Variants in IL12B observed in about 807,000 individuals in gnomAD.
IL12B encodes interleukin-12 subunit beta.
A neutral mutation model predicts 39.2 loss-of-function variants in IL12B; 27 were observed. The observed-to-expected ratio is 0.69, with a 90% CI of 0.51 to 0.95. The LOEUF is 0.95. IL12B is among the 40% of genes least tolerant of loss of function. The pLI is 0.00. For missense variants in IL12B, 351 were observed against 397.6 expected (o/e 0.88, Z 1.00); for synonymous variants, 142 against 152.1 (o/e 0.93, Z 0.49).
chr5:159,319,830 T>C (rs778111516), intron 5 of IL12B, among the ~76,000 whole-genome samples: 6 of 152,164 alleles, frequency 3.9e-5, no homozygotes, highest in Non-Finnish European at 8.8e-5. Context: ...TGACTTATGG[T>C]GAAATCCCTA....
chr5:159,318,916 T>C, intron 5 of IL12B, 23 bp from the exon 6 acceptor site: 1 of 1,605,372 alleles, frequency 6.2e-7, no homozygotes, highest in Non-Finnish European at 8.5e-7. Flanking sequence ...ATAAACATGC[T>C]TTATTTTCCT....
At chr5:159,325,726 C>G (rs367740047) in intron 2 of IL12B, 2 of 152,230 alleles carry the variant, frequency 1.3e-5, no homozygotes, top group African/African-American at 4.8e-5. Flanking sequence ...GGGATACAGA[C>G]AGTCTCTACT....
At chr5:159,329,936 A>G (rs765145379) in intron 1 of IL12B, among the ~76,000 whole-genome samples, 1 of 152,180 alleles carries the variant, frequency 6.6e-6, no homozygotes, top group Non-Finnish European at 1.5e-5. Flanking sequence ...ATTTTGGTTG[A>G]TATCACAACT....
At chr5:159,323,628 C>T (rs951659587) in intron 2 of IL12B, among the ~76,000 whole-genome samples, 1 of 152,112 alleles carries the variant, frequency 6.6e-6, no homozygotes, top group Non-Finnish European at 1.5e-5. Flanking sequence ...AAACTGCAAA[C>T]AGCACAAGAC....
intron 4 of IL12B, among the ~76,000 whole-genome samples, chr5:159,321,619 G>T (rs2113027843): frequency 6.6e-6 from 1 of 152,208 alleles, no homozygotes; most frequent in African/African-American, 2.4e-5. Flanking sequence ...CATTAAGCAA[G>T]AGTATAGTGT....
chr5:159,318,684 G>T (rs1271555739), intron 6 of IL12B, 52 bp downstream of exon 6: 19 of 1,495,980 alleles, frequency 1.3e-5, no homozygotes, highest in Non-Finnish European at 1.7e-5. Flanking sequence ...ACTTTATGGT[G>T]GGCCTCCGTA....
At position 159,328,462 on chromosome 5, in the gene IL12B, CA is replaced by C. The variant is rs1187155959; in HGVS notation, c.1-1681del. On this transcript the variant is annotated intron_variant, in intron 1 of 7. Coordinates refer to ENST00000231228, the MANE Select transcript of IL12B (RefSeq NM_002187.3). Reference sequence around the variant, plus strand: ...TATAAAATGGACCTAATACTTATCTCAAAGGCTTGTTGGGAAAGGCAATGAG... The same window carrying C: ...TATAAAATGGACCTAATACTTATCTCAAGGCTTGTTGGGAAAGGCAATGAG... Among the ~76,000 whole-genome samples the C allele has an allele frequency of 2.0e-5, 3 of 152,262 alleles. No homozygotes were observed. In the East Asian group the frequency reaches 5.8e-4, roughly 29 times the overall value.
intron 1 of IL12B, 86 bp downstream of exon 1, chr5:159,330,346 T>A (rs1023130884): frequency 2.6e-5 from 4 of 152,140 alleles, no homozygotes; most frequent in Non-Finnish European, 5.9e-5. Flanking sequence ...TGCCAGCTGC[T>A]GGGGTAGCAC....
chr5:159,326,002 G>A (rs1754182831), intron 2 of IL12B, among the ~76,000 whole-genome samples: 1 of 152,164 alleles, frequency 6.6e-6, no homozygotes, highest in Admixed American at 6.5e-5. Context: ...ATAATAAAAA[G>A]TATCTCTTGA....
intron 1 of IL12B, among the ~76,000 whole-genome samples, chr5:159,328,319 T>A (rs1269914653): frequency 6.8e-6 from 1 of 147,154 alleles, no homozygotes; most frequent in African/African-American, 2.5e-5. Context: ...GTTAGTACAT[T>A]CACAGGCTTG....
intron 5 of IL12B, among the ~76,000 whole-genome samples, chr5:159,319,694 T>G (rs1293659799): frequency 3.9e-5 from 6 of 152,240 alleles, no homozygotes; most frequent in Non-Finnish European, 8.8e-5. Flanking sequence ...GAGGCCTTCC[T>G]TGGCCACCCT....
At chr5:159,328,744 C>T (rs1286078286) in intron 1 of IL12B, among the ~76,000 whole-genome samples, 1 of 152,200 alleles carries the variant, frequency 6.6e-6, no homozygotes, top group Non-Finnish European at 1.5e-5. Context: ...TAGCTGTGTG[C>T]CCAGCACTTC....
At position 159,318,686 on chromosome 5, in the gene IL12B, G is replaced by A. The variant is rs765604063; in HGVS notation, c.855+50C>T. On this transcript the variant is annotated intron_variant, in intron 6 of 7. Transcript: ENST00000231228. Reference sequence around the variant, plus strand: ...CATTCATCTTCTCACTTTATGGTGGGCCTCCGTAAAACTGACCAAGGAATA... The same window carrying A: ...CATTCATCTTCTCACTTTATGGTGGACCTCCGTAAAACTGACCAAGGAATA... 1.6e-5 allele frequency: 24 copies of A among 1,519,672 alleles called. 1 individual carries two copies. The South Asian group carries it at 2.0e-4, about 13-fold the overall frequency. 94.1% of individuals were successfully genotyped at this position (1,519,672 alleles called of 1,614,324 possible).
At chr5:159,317,155 A>T (rs1364078413) in intron 6 of IL12B, among the ~76,000 whole-genome samples, 1 of 152,218 alleles carries the variant, frequency 6.6e-6, no homozygotes, top group Non-Finnish European at 1.5e-5. Flanking sequence ...GCCATCCCTG[A>T]GATATTGAGA....
chr5:159,327,616 G>T (rs1435215205), intron 1 of IL12B, among the ~76,000 whole-genome samples: 8 of 152,174 alleles, frequency 5.3e-5, no homozygotes, highest in Non-Finnish European at 1.0e-4. Context: ...GATTCAGCAG[G>T]CATGAGGGCC....
chr5:159,325,138 C>T (rs3181218), intron 2 of IL12B, among the ~76,000 whole-genome samples: 40,316 of 152,032 alleles, frequency 0.27, 5,920 homozygotes, highest in East Asian at 0.47. Flanking sequence ...AGCCTCACTG[C>T]ATCGTCTGCC....
chr5:159,323,416 G>A lies in IL12B; in HGVS notation c.89-87C>T, dbSNP rs1754134829. 12 of 1,236,442 alleles carry A rather than the reference G, an allele frequency of 9.7e-6. No homozygotes were observed. In the South Asian group the frequency reaches 1.4e-4, roughly 14 times the overall value. 76.6% of individuals were successfully genotyped at this position (1,236,442 alleles called of 1,614,324 possible). A position where few individuals can be genotyped will look rare whatever the true frequency, so the allele number is the denominator to read the frequency against. Reference sequence around the variant, plus strand: ...TATTAACCCTTCGGGCATCCCCATTGCCTAAACACAACCTTGTTTACAACA... The same window carrying A: ...TATTAACCCTTCGGGCATCCCCATTACCTAAACACAACCTTGTTTACAACA... On this transcript the variant is annotated intron_variant, in intron 2 of 7. Transcript: ENST00000231228.
chr5:159,320,508 G>C lies in IL12B; in HGVS notation c.495C>G (p.Pro165=). 1 of 1,614,006 alleles carries C rather than the reference G, an allele frequency of 6.2e-7. No individual in the cohort carries two copies. Among genetic ancestry groups the C allele is most frequent in the Non-Finnish European group, 8.5e-7 (1 of 1,179,902 alleles). Residue 165 remains proline, a synonymous_variant, in exon 5 of 8, where the codon CCC becomes CCG. Transcript: ENST00000231228. ...TAGCAGCTCCGCACGTCACCCCTTG[G>C]GGGTCAGAAGAGCTGAAGTCAAAGA... ...SVKSSRGSSD[P]QGVTCGAATL... is the part of the protein sequence containing the mutation.
intron 4 of IL12B, 149 bp downstream of exon 4, chr5:159,322,245 A>G (rs1754105212): frequency 1.4e-6 from 1 of 729,952 alleles, no homozygotes. Context: ...TCTTTCTTCA[A>G]TGTAGACAAG....
Sources: gnomAD v4.1 joint callset for allele counts (sites outside exome capture counted in the v4.1 genomes callset) on GRCh38, gnomAD v4.1.1 for gene constraint, MANE v1.5 for transcripts, NCBI Gene and HGNC (gene_info 2026-07-23, HGNC 2026-07-21) for gene names.